Variants in PAM observed in about 807,000 individuals in gnomAD.
The protein encoded by PAM is peptidyl-glycine alpha-amidating monooxygenase.
Under a neutral mutation model 122.1 loss-of-function variants are expected in PAM, and 72 were observed. The ratio of observed to expected loss-of-function variants is 0.59; its 90% CI spans 0.49 to 0.72. The LOEUF (loss-of-function observed/expected upper bound fraction) is 0.72, where lower values mean the gene tolerates loss of function less well. PAM is among the 30% of genes least tolerant of loss of function. The pLI is 0.00. For synonymous variants in PAM, 389 were observed against 404.4 expected, an observed-to-expected ratio of 0.96 and a Z score of 0.46; for missense variants, 1,106 against 1,183.7, an observed-to-expected ratio of 0.93 and a Z score of 0.96.
chr5:103,026,648 A>T (rs1344456168), intron 24 of PAM, among the ~76,000 whole-genome samples: 7 of 152,188 alleles, frequency 4.6e-5, no homozygotes, highest in African/African-American at 1.7e-4. Context: ...TTGAGTACTG[A>T]TATGTCCCCA....
At chr5:102,873,346 C>T (rs1054789250) in intron 3 of PAM, 6 of 152,146 alleles carry the variant, frequency 3.9e-5, no homozygotes, top group African/African-American at 1.4e-4. Flanking sequence ...AAACCAACAG[C>T]CTTTTGGGCA....
At chr5:102,979,129 T>G (rs151234541) in intron 15 of PAM, among the ~76,000 whole-genome samples, 1 of 152,012 alleles carries the variant, frequency 6.6e-6, no homozygotes, top group South Asian at 2.1e-4. Context: ...AGTCATCTGA[T>G]TATCTCAGGC....
In PAM at chr5:102,865,953, C is replaced by T; in HGVS notation, c.-243C>T. ...AGCGGCGCTGGAGGGAGGAAAGCTT[C>T]CGCCTGCGGGCCGGACAAAAGTCCC... On this transcript the variant is annotated 5_prime_UTR_variant, in exon 2 of 26. Coordinates refer to ENST00000438793, the MANE Select transcript of PAM (RefSeq NM_001177306.2). The T allele has an allele frequency of 4.7e-6, 2 of 428,994 alleles. No individual in the cohort carries two copies. Among genetic ancestry groups the T allele is most frequent in the Non-Finnish European group, 8.1e-6 (2 of 245,966 alleles). The allele number at this position is 428,994 out of a possible 1,614,324, so 26.6% of individuals were successfully genotyped here.
intron 18 of PAM, among the ~76,000 whole-genome samples, chr5:103,006,416 A>T (rs1778993103): frequency 6.6e-6 from 1 of 152,206 alleles, no homozygotes; most frequent in African/African-American, 2.4e-5. Context: ...AATAGGTGGC[A>T]AATAACTTGG....
chr5:102,843,531 ATCT>A (rs1269696218), intron 1 of PAM, among the ~76,000 whole-genome samples: 1 of 152,220 alleles, frequency 6.6e-6, no homozygotes, highest in African/African-American at 2.4e-5. Context: ...AGCTAAAAAC[ATCT>A]TCTCTGTAAG....
At chr5:103,022,968 T>C (rs1426022548) in intron 23 of PAM, among the ~76,000 whole-genome samples, 4 of 152,186 alleles carry the variant, frequency 2.6e-5, no homozygotes, top group South Asian at 2.1e-4. Flanking sequence ...TAGCCTCCTT[T>C]TTAAAAATGT....
At chr5:102,870,629 T>TA (rs1250730058) in intron 3 of PAM, among the ~76,000 whole-genome samples, 1 of 152,228 alleles carries the variant, frequency 6.6e-6, no homozygotes, top group Non-Finnish European at 1.5e-5. Context: ...TTCTCTGACT[T>TA]AAAAAATTTG....
intron 1 of PAM, among the ~76,000 whole-genome samples, chr5:102,764,191 A>G (rs1015921906): frequency 2.0e-5 from 3 of 152,028 alleles, no homozygotes; most frequent in Non-Finnish European, 4.4e-5. Flanking sequence ...AAAACTCTGA[A>G]CAGTACATAA....
intron 2 of PAM, chr5:102,866,510 A>T (rs759477286): frequency 2.0e-5 from 11 of 550,260 alleles, no homozygotes; most frequent in Non-Finnish European, 3.3e-5. Context: ...TGTGATTTCC[A>T]AAACTAATCA....
intron 1 of PAM, among the ~76,000 whole-genome samples, chr5:102,848,293 T>C (rs1225696596): frequency 6.6e-6 from 1 of 152,208 alleles, no homozygotes; most frequent in African/African-American, 2.4e-5. Context: ...TGAATATACC[T>C]TATAAACTGT....
intron 4 of PAM, among the ~76,000 whole-genome samples, chr5:102,912,366 A>G (rs1370003234): frequency 1.3e-5 from 2 of 152,040 alleles, no homozygotes; most frequent in African/African-American, 2.4e-5. Flanking sequence ...TAGTATAAAC[A>G]GTTTAATAAA....
intron 21 of PAM, among the ~76,000 whole-genome samples, chr5:103,015,415 A>C (rs1435198577): frequency 1.3e-5 from 2 of 152,176 alleles, no homozygotes; most frequent in Non-Finnish European, 2.9e-5. Flanking sequence ...AGATATTATC[A>C]TGCTTCTGTC....
At chr5:102,967,755 G>A (rs1294753536) in intron 14 of PAM, among the ~76,000 whole-genome samples, 33 of 136,106 alleles carry the variant, frequency 2.4e-4, no homozygotes, top group African/African-American at 7.5e-4. Flanking sequence ...TTGCACTGTC[G>A]CCCAGGCTGG....
chr5:102,836,858 C>CAGAGAGAGAGAG (rs745900009), intron 1 of PAM, among the ~76,000 whole-genome samples: 1 of 50,036 alleles, frequency 2.0e-5, no homozygotes, highest in African/African-American at 1.1e-4. Flanking sequence ...AAGAAAGAAA[C>CAGAGAGAGAGAG]CGAGAGAGAG....
intron 1 of PAM, among the ~76,000 whole-genome samples, chr5:102,772,136 T>C (rs1481517699): frequency 2.0e-5 from 3 of 152,150 alleles, no homozygotes; most frequent in Non-Finnish European, 4.4e-5. Flanking sequence ...TGTCACTTCA[T>C]ACAGTGTGGT....
At chr5:102,900,439 T>A (rs374339828) in intron 3 of PAM, among the ~76,000 whole-genome samples, 2 of 151,614 alleles carry the variant, frequency 1.3e-5, no homozygotes, top group Non-Finnish European at 3.0e-5. Context: ...TTTTAAGATA[T>A]TTGTTTGATG....
chr5:102,920,610 A>C (rs1747092898), intron 5 of PAM, among the ~76,000 whole-genome samples: 1 of 152,128 alleles, frequency 6.6e-6, no homozygotes, highest in Non-Finnish European at 1.5e-5. Flanking sequence ...TAGTATTTGA[A>C]TATCTGACTC....
At chr5:102,814,610 T>C (rs1769110477) in intron 1 of PAM, among the ~76,000 whole-genome samples, 2 of 149,564 alleles carry the variant, frequency 1.3e-5, no homozygotes, top group Admixed American at 1.3e-4. Flanking sequence ...TATACATATA[T>C]TGATATGTAT....
chr5:102,931,092 T>C (rs561713385), intron 7 of PAM, among the ~76,000 whole-genome samples: 1 of 152,216 alleles, frequency 6.6e-6, no homozygotes, highest in South Asian at 2.1e-4. Flanking sequence ...AGGTACCTGG[T>C]TAAGTAGTCA....
Sources: allele counts gnomAD v4.1 joint callset (sites outside exome capture counted in the v4.1 genomes callset), GRCh38; gene constraint gnomAD v4.1.1; transcripts MANE v1.5; gene names NCBI Gene and HGNC (gene_info 2026-07-23, HGNC 2026-07-21).